Variants in SCAF8 observed in about 807,000 individuals in gnomAD.
SCAF8 encodes the protein SR-related CTD associated factor 8, also known as SR-related and CTD-associated factor 8.
Under a neutral mutation model 140.5 loss-of-function variants are expected in SCAF8, and 23 were observed. The observed-to-expected ratio is 0.16, with a 90% confidence interval of 0.12 to 0.23. The LOEUF (loss-of-function observed/expected upper bound fraction) is 0.23. Among genes scored for constraint, SCAF8 ranks in the 10% least tolerant of loss-of-function variants. The pLI, the probability that SCAF8 is intolerant of heterozygous loss-of-function variation, is 1.00. For missense variants in SCAF8, 1,397 were observed against 1,555.7 expected, an observed-to-expected ratio of 0.90 and a Z score of 1.72; for synonymous variants, 575 against 528.9, an observed-to-expected ratio of 1.09 and a Z score of -1.20.
intron 2 of SCAF8, among the ~76,000 whole-genome samples, chr6:154,777,524 A>G (rs998661972): frequency 6.6e-6 from 1 of 152,190 alleles, no homozygotes; most frequent in Non-Finnish European, 1.5e-5. Context: ...GCAGAAGGAG[A>G]TAAATGAAGT....
rs141969028 is a variant in SCAF8 at position 154,734,227 on chromosome 6, C to G, written c.30+297C>G. Among the ~76,000 whole-genome samples the G allele has an allele frequency of 9.6e-3, 1,461 of 152,288 alleles. 28 individuals are homozygous for G. Among genetic ancestry groups the G allele is most frequent in the African/African-American group, 0.033 (1,388 of 41,554 alleles). ...CCGGTTGGGCCCTCACCCGGAGACTCCCGACAGGTCCCTCGAGGTCAGTTC... is the reference window on the plus strand; with the variant it reads ...CCGGTTGGGCCCTCACCCGGAGACTGCCGACAGGTCCCTCGAGGTCAGTTC... On this transcript the variant is annotated intron_variant, in intron 1 of 19. Coordinates refer to ENST00000367178, the MANE Select transcript of SCAF8 (RefSeq NM_014892.5).
intron 1 of SCAF8, among the ~76,000 whole-genome samples, chr6:154,734,665 T>A (rs1036151467): frequency 2.0e-5 from 3 of 152,176 alleles, no homozygotes; most frequent in African/African-American, 7.2e-5. Context: ...AAAAGCAGAT[T>A]CCATTTTCAC....
chr6:154,832,092 C>G lies in SCAF8; in HGVS notation c.2513C>G (p.Ser838Cys). ...GVRPSNVSSS[S>C]GIIAAQPPNI... ...CGGCCATCTAATGTTTCCAGTAGTT[C>G]TGGGATTATTGCAGCCCAACCACCA... is the stretch of plus-strand genomic sequence containing the variant. Residue 838 changes from serine (S) to cysteine (C), a missense_variant, in exon 20 of 20, where the codon TCT becomes TGT. Ser to Cys is a moderately radical substitution (Grantham distance 112). Around this residue, in one of 5 missense-constraint regions of SCAF8, gnomAD observed 930 missense variants for 874.6 expected, o/e 1.06. Transcript: ENST00000367178. The G allele has an allele frequency of 6.2e-7, 1 of 1,614,062 alleles. No homozygotes were observed. Among genetic ancestry groups the G allele is most frequent in the African/African-American group, 1.3e-5 (1 of 75,022 alleles).
chr6:154,784,153 A>ATATT lies in SCAF8; in HGVS notation c.160-3705_160-3704insTTAT, dbSNP rs1554260673. 7.7e-3 allele frequency among the ~76,000 whole-genome samples: 839 copies of ATATT among 109,332 alleles called. 6 individuals carry two copies. The highest frequency in any genetic ancestry group is 0.011 in the Non-Finnish European group (614 of 53,996). 71.7% of individuals were successfully genotyped at this position (109,332 alleles called of 152,430 possible). A position where few individuals can be genotyped will look rare whatever the true frequency, so the allele number is the denominator to read the frequency against. On this transcript the variant is annotated intron_variant, in intron 3 of 19. Coordinates refer to ENST00000367178, the MANE Select transcript of SCAF8 (RefSeq NM_014892.5). ...TATATATATATATATATATATATAT[A>ATATT]TATATTTATTTATTTATTTTTCATG...
intron 1 of SCAF8, among the ~76,000 whole-genome samples, chr6:154,752,596 G>A (rs765146318): frequency 5.3e-5 from 8 of 152,116 alleles, no homozygotes; most frequent in Non-Finnish European, 1.0e-4. Flanking sequence ...TAATTTAATA[G>A]TGGGTAAAAG....
At chr6:154,791,993 G>T (rs1468813292) in intron 4 of SCAF8, among the ~76,000 whole-genome samples, 1 of 151,720 alleles carries the variant, frequency 6.6e-6, no homozygotes, top group Admixed American at 6.6e-5. Context: ...GTGGCAAGCA[G>T]GTTTTTTATT....
At chr6:154,741,589 TAG>T (rs1329606672) in intron 1 of SCAF8, among the ~76,000 whole-genome samples, 10 of 152,100 alleles carry the variant, frequency 6.6e-5, no homozygotes, top group Admixed American at 5.2e-4. Flanking sequence ...GTAATTTTAG[TAG>T]AGACGGGGTT....
rs139629802 is a variant in SCAF8, at chr6:154,780,809, C to T, written c.159+2764C>T. Among the ~76,000 whole-genome samples the T allele has an allele frequency of 2.0e-3, 298 of 152,082 alleles. 1 individual carries two copies. Among genetic ancestry groups the T allele is most frequent in the African/African-American group, 6.7e-3 (277 of 41,504 alleles). On this transcript the variant is annotated intron_variant, in intron 3 of 19. Coordinates refer to ENST00000367178, the MANE Select transcript of SCAF8 (RefSeq NM_014892.5). ...TGGGTTGATTCCATGTCTTTGCTAT[C>T]GTGAATAGTGCTGCAGTAAACATAC...
chr6:154,831,673 TA>T (rs1183388713), intron 19 of SCAF8, among the ~76,000 whole-genome samples: 2 of 128,424 alleles, frequency 1.6e-5, no homozygotes, highest in Non-Finnish European at 3.2e-5. Flanking sequence ...TTTCCTGTCC[TA>T]AAGCCTTTTA....
intron 19 of SCAF8, among the ~76,000 whole-genome samples, chr6:154,831,703 T>TAGA: frequency 2.1e-5 from 1 of 48,094 alleles, no homozygotes; most frequent in East Asian, 7.8e-4. Flanking sequence ...CTCCTGTTCT[T>TAGA]AAAAAAAAAA....
Position 154,832,355 on chromosome 6 carries a change from A to G in SCAF8, c.2776A>G (p.Ile926Val), listed in dbSNP as rs759677663. ...GATGCCCACAATGCCAATGTTAGAC[A>G]TTCGTCCGGGACTAATACCACAGGC... ...QRMPTMPMLDIRPGLIPQAPG... is the reference protein window; with the variant it reads ...QRMPTMPMLDVRPGLIPQAPG... The change falls in exon 20 of 20, where the codon ATT becomes GTT. Residue 926 changes from isoleucine (I) to valine (V), a missense_variant. Physicochemically the swap from Ile to Val is conservative, Grantham distance 29. This residue lies in a region of SCAF8 where 930 missense variants were observed against 874.6 expected (regional missense o/e 1.06). Coordinates refer to ENST00000367178, the MANE Select transcript of SCAF8 (RefSeq NM_014892.5). 11 of 1,613,862 alleles carry G rather than the reference A, an allele frequency of 6.8e-6. No homozygotes were observed. The South Asian group carries it at 1.1e-4, about 16-fold the overall frequency.
chr6:154,738,360 C>T (rs1232299828), intron 1 of SCAF8, among the ~76,000 whole-genome samples: 1 of 152,190 alleles, frequency 6.6e-6, no homozygotes, highest in Non-Finnish European at 1.5e-5. Context: ...GTTGACCTTT[C>T]ACTTCTGTGT....
At position 154,757,526 on chromosome 6, in the gene SCAF8, C is replaced by T. The variant is rs559471568; in HGVS notation, c.31-16463C>T. ...CTAGCTCGTATTTGGTTGCCTGTTACCTTTGAAACCTTATACTAAACTACT... is the reference window on the plus strand; with the variant it reads ...CTAGCTCGTATTTGGTTGCCTGTTATCTTTGAAACCTTATACTAAACTACT... On this transcript the variant is annotated intron_variant, in intron 1 of 19. Transcript: ENST00000367178. Among the ~76,000 whole-genome samples the T allele has an allele frequency of 6.6e-5, 10 of 152,284 alleles. No homozygotes were observed. In the South Asian group the frequency reaches 1.9e-3, roughly 28 times the overall value.
intron 11 of SCAF8, 115 bp downstream of exon 11, chr6:154,808,913 T>A (rs1174633575): frequency 1.4e-6 from 1 of 696,912 alleles, no homozygotes; most frequent in African/African-American, 1.8e-5. Context: ...TTTCTCAGTC[T>A]CTCGGAAAAA....
rs1029325300 is a variant in SCAF8 at position 154,733,630 on chromosome 6, C to G, written c.-271C>G. 2 of 1,294,526 alleles carry G rather than the reference C, an allele frequency of 1.5e-6. No individual in the cohort carries two copies. 80.2% of individuals were successfully genotyped at this position (1,294,526 alleles called of 1,614,324 possible). ...AAGGCGCCGCGGCCCAGCCCCTCCC[C>G]CGCCCGCCGCCGACCCGCCCCGGCA... On this transcript the variant is annotated 5_prime_UTR_variant, in exon 1 of 20. Coordinates refer to ENST00000367178, the MANE Select transcript of SCAF8 (RefSeq NM_014892.5).
intron 1 of SCAF8, among the ~76,000 whole-genome samples, chr6:154,755,711 A>G (rs1458523677): frequency 6.6e-6 from 1 of 152,210 alleles, no homozygotes; most frequent in Non-Finnish European, 1.5e-5. Context: ...TATGCTTATT[A>G]TATACATCGC....
Position 154,831,975 on chromosome 6 carries a change from TAGG to T in SCAF8, c.2401_2403del (p.Gly801del), listed in dbSNP as rs1266102962. On this transcript the variant is annotated inframe_deletion, in exon 20 of 20. Coordinates refer to ENST00000367178, the MANE Select transcript of SCAF8 (RefSeq NM_014892.5). ...GATATTTCAAGTAATGCTGCAATTT[TAGG>T]AGGACAGCCGCCAAATGTGACAAGC... is the stretch of plus-strand genomic sequence containing the variant. 1 of 1,608,130 alleles carries T rather than the reference TAGG, an allele frequency of 6.2e-7. No homozygotes were observed. The highest frequency in any genetic ancestry group is 8.5e-7 in the Non-Finnish European group (1 of 1,178,064).
At position 154,813,307 on chromosome 6, in the gene SCAF8, T is replaced by C. The variant is rs191310533; in HGVS notation, c.1421-2409T>C. On this transcript the variant is annotated intron_variant, in intron 12 of 19. Transcript: ENST00000367178. The stretch of plus-strand genomic sequence containing the variant: ...TGGAAGGCCAAGGCGGGAGGATTGC[T>C]TGAGGCCAGGAATTTGAGACCAGCC... Among the ~76,000 whole-genome samples the C allele has an allele frequency of 2.6e-5, 4 of 152,296 alleles. No homozygotes were observed. The East Asian group carries it at 7.7e-4, about 29-fold the overall frequency.
intron 3 of SCAF8, among the ~76,000 whole-genome samples, chr6:154,783,975 G>A (rs1247277332): frequency 2.0e-5 from 3 of 151,894 alleles, no homozygotes; most frequent in Non-Finnish European, 4.4e-5. Context: ...GCTGAGGCAG[G>A]AGAATTGCTT....
Sources: allele counts gnomAD v4.1 joint callset (sites outside exome capture counted in the v4.1 genomes callset), GRCh38; gene constraint gnomAD v4.1.1; regional missense constraint gnomAD v4.1.1; transcripts MANE v1.5; gene names NCBI Gene and HGNC (gene_info 2026-07-23, HGNC 2026-07-21).